Variants in ADAM19 observed in about 807,000 individuals in gnomAD.
The protein encoded by ADAM19 is ADAM metallopeptidase domain 19.
A neutral mutation model predicts 114.7 loss-of-function variants in ADAM19; 65 were observed. The observed-to-expected ratio is 0.57, with a 90% CI of 0.46 to 0.70. The LOEUF (loss-of-function observed/expected upper bound fraction) is 0.70. Ranked by LOEUF, ADAM19 falls within the 30% of genes least tolerant of loss-of-function variation. The pLI is 0.00. For synonymous variants in ADAM19, 466 were observed against 460.5 expected (o/e 1.01, Z -0.15); for missense variants, 1,063 against 1,204.7 (o/e 0.88, Z 1.74).
intron 3 of ADAM19, among the ~76,000 whole-genome samples, chr5:157,543,714 A>G (rs1756977456): frequency 6.8e-6 from 1 of 146,368 alleles, no homozygotes. Flanking sequence ...GTAAATTTTG[A>G]CAATATTTTT....
intron 5 of ADAM19, among the ~76,000 whole-genome samples, chr5:157,521,669 C>A (rs182630667): frequency 2.0e-5 from 3 of 152,156 alleles, no homozygotes; most frequent in African/African-American, 7.2e-5. Flanking sequence ...CCAATCACCC[C>A]CTCTGACGGA....
chr5:157,515,722 C>G (rs1756070704), intron 7 of ADAM19, among the ~76,000 whole-genome samples: 2 of 152,198 alleles, frequency 1.3e-5, no homozygotes, highest in African/African-American at 4.8e-5. Context: ...GTACCACATG[C>G]AGCACCATCC....
At chr5:157,502,278 T>C (rs1227960980) in intron 12 of ADAM19, among the ~76,000 whole-genome samples, 1 of 152,236 alleles carries the variant, frequency 6.6e-6, no homozygotes. Context: ...ACACTCACTG[T>C]GAAGATCAGA....
At chr5:157,520,162 G>A (rs1278387863) in intron 5 of ADAM19, 131 bp from the exon 6 acceptor site, 1 of 830,798 alleles carries the variant, frequency 1.2e-6, no homozygotes, top group African/African-American at 1.7e-5. Context: ...CCTAATTATG[G>A]GGCCATGTAC....
Position 157,497,178 on chromosome 5 carries a change from G to T in ADAM19, c.1399-89C>A, listed in dbSNP as rs541015902. On this transcript the variant is annotated intron_variant, in intron 13 of 22. Transcript: ENST00000257527. Reference sequence around the variant, plus strand: ...AGGGCTCATAAGGATCACTCTCATAGAACAGAATTTTCCATTACCATGATT... The same window carrying T: ...AGGGCTCATAAGGATCACTCTCATATAACAGAATTTTCCATTACCATGATT... The T allele has an allele frequency of 1.3e-5, 16 of 1,217,740 alleles. No homozygotes were observed. In the African/African-American group the frequency reaches 2.2e-4, roughly 17 times the overall value. 75.4% of individuals were successfully genotyped at this position (1,217,740 alleles called of 1,614,324 possible).
chr5:157,532,585 C>T (rs1177995006), intron 4 of ADAM19, among the ~76,000 whole-genome samples: 1 of 152,148 alleles, frequency 6.6e-6, no homozygotes, highest in Non-Finnish European at 1.5e-5. Context: ...GAAGATAAAA[C>T]CCACAGGGTA....
At position 157,498,852 on chromosome 5, in the gene ADAM19, A is replaced by AT. The variant is rs570856578; in HGVS notation, c.1398+720dup. 1.2e-4 allele frequency among the ~76,000 whole-genome samples: 18 copies of AT among 151,688 alleles called. No homozygotes were observed. In the East Asian group the frequency reaches 1.7e-3, roughly 15 times the overall value. Reference sequence around the variant, plus strand: ...AATATAAATATTCACTTTAGGAGTGATTTTTTTTTAAAAAGACTATAATTC... The same window carrying AT: ...AATATAAATATTCACTTTAGGAGTGATTTTTTTTTTAAAAAGACTATAATTC... On this transcript the variant is annotated intron_variant, in intron 13 of 22. Coordinates refer to ENST00000257527, the MANE Select transcript of ADAM19 (RefSeq NM_033274.5).
intron 12 of ADAM19, among the ~76,000 whole-genome samples, chr5:157,500,221 T>G (rs1755517631): frequency 6.7e-6 from 1 of 150,110 alleles, no homozygotes; most frequent in African/African-American, 2.5e-5. Context: ...TCTGCAACCT[T>G]CTCCTCCTAG....
At chr5:157,492,455 A>G (rs1241741507) in intron 16 of ADAM19, among the ~76,000 whole-genome samples, 1 of 152,260 alleles carries the variant, frequency 6.6e-6, no homozygotes, top group Non-Finnish European at 1.5e-5. Flanking sequence ...TTGTTAAAGT[A>G]TCATATTTAA....
At chr5:157,547,328 G>A (rs893912434) in intron 3 of ADAM19, among the ~76,000 whole-genome samples, 2 of 152,144 alleles carry the variant, frequency 1.3e-5, no homozygotes, top group East Asian at 1.9e-4. Flanking sequence ...ATGTATCCCC[G>A]CAAAAGCCTG....
rs1754718471 is a variant in ADAM19 at position 157,480,662 on chromosome 5, TGGA to T, written c.*284_*286del. The T allele has an allele frequency of 1.6e-6, 2 of 1,236,192 alleles. No homozygotes were observed. Among genetic ancestry groups the T allele is most frequent in the East Asian group, 4.1e-5 (1 of 24,604 alleles). 76.6% of individuals were successfully genotyped at this position (1,236,192 alleles called of 1,614,324 possible). A position where few individuals can be genotyped will look rare whatever the true frequency, so the allele number is the denominator to read the frequency against. Reference sequence around the variant, plus strand: ...CATCAGCACCTCGGGGCTAGGAGTCTGGAGGAGAAGCTGCCAGTCACCCTCCTC... The same window carrying T: ...CATCAGCACCTCGGGGCTAGGAGTCTGGAGAAGCTGCCAGTCACCCTCCTC... On this transcript the variant is annotated 3_prime_UTR_variant, in exon 23 of 23. Transcript: ENST00000257527.
At chr5:157,494,568 T>C (rs1047952106) in intron 15 of ADAM19, 119 bp downstream of exon 15, 19 of 742,460 alleles carry the variant, frequency 2.6e-5, no homozygotes, top group South Asian at 1.7e-4. Context: ...TGACTTCAAC[T>C]GATTGACGTA....
In ADAM19 at chr5:157,481,869, C is replaced by T; in HGVS notation, c.2625G>A (p.Arg875=). 6.3e-7 allele frequency: 1 copy of T among 1,596,590 alleles called. No individual in the cohort carries two copies. The highest frequency in any genetic ancestry group is 8.5e-7 in the Non-Finnish European group (1 of 1,171,332). Residue 875 remains arginine, a synonymous_variant, in exon 22 of 23, where the codon AGG becomes AGA. Transcript: ENST00000257527. The part of the protein sequence containing the change: ...NPVPGRRSLP[R]PGGASPLRPP... ...GCCGCAGTGGGGATGCACCTCCTGGCCTGGGGAGGCTCCTGCGGCCTGGCA... is the reference window on the plus strand; with the variant it reads ...GCCGCAGTGGGGATGCACCTCCTGGTCTGGGGAGGCTCCTGCGGCCTGGCA...
Position 157,519,722 on chromosome 5 carries a change from C to A in ADAM19, c.600+117G>T, listed in dbSNP as rs960247207. 9.4e-6 allele frequency: 9 copies of A among 956,422 alleles called. No homozygotes were observed. In the African/African-American group the frequency reaches 1.5e-4, roughly 16 times the overall value. 59.2% of individuals were successfully genotyped at this position (956,422 alleles called of 1,614,324 possible). A position where few individuals can be genotyped will look rare whatever the true frequency, so the allele number is the denominator to read the frequency against. ...ACAGAATAAAAGAAAAACACTATTTCCTTTTTCTTAGGCATCACCTTCAAT... is the reference window on the plus strand; with the variant it reads ...ACAGAATAAAAGAAAAACACTATTTACTTTTTCTTAGGCATCACCTTCAAT... On this transcript the variant is annotated intron_variant, in intron 6 of 22. Transcript: ENST00000257527.
chr5:157,543,881 T>C (rs993397317), intron 3 of ADAM19, among the ~76,000 whole-genome samples: 1 of 152,122 alleles, frequency 6.6e-6, no homozygotes, highest in African/African-American at 2.4e-5. Flanking sequence ...CTAGTCTAGA[T>C]TTGGGACAAA....
chr5:157,528,693 G>GA (rs1368647809), intron 5 of ADAM19, among the ~76,000 whole-genome samples: 18 of 152,192 alleles, frequency 1.2e-4, no homozygotes, highest in Non-Finnish European at 2.4e-4. Context: ...TGCAGTGTGA[G>GA]AAACCTTCCA....
At chr5:157,497,955 C>T (rs891752610) in intron 13 of ADAM19, among the ~76,000 whole-genome samples, 1 of 152,234 alleles carries the variant, frequency 6.6e-6, no homozygotes, top group African/African-American at 2.4e-5. Flanking sequence ...CTTTCTGAGG[C>T]TCAAACGGAA....
Position 157,477,459 on chromosome 5 carries a change from T to C in ADAM19, c.*3490A>G. The C allele has an allele frequency of 1.2e-5, 12 of 1,035,610 alleles. No homozygotes were observed. The highest frequency in any genetic ancestry group is 1.4e-5 in the Non-Finnish European group (12 of 856,894). 64.2% of individuals were successfully genotyped at this position (1,035,610 alleles called of 1,614,324 possible). A position where few individuals can be genotyped will look rare whatever the true frequency, so the allele number is the denominator to read the frequency against. ...GAAGATCTGTTTTCCGTGAACAATC[T>C]CCCAAATAAAAAGAAAATTCACATT... is the stretch of plus-strand genomic sequence containing the variant. On this transcript the variant is annotated 3_prime_UTR_variant, in exon 23 of 23. Transcript: ENST00000257527.
At chr5:157,559,994 G>T (rs1389110763) in intron 3 of ADAM19, among the ~76,000 whole-genome samples, 1 of 152,034 alleles carries the variant, frequency 6.6e-6, no homozygotes, top group Non-Finnish European at 1.5e-5. Flanking sequence ...GGCCGGGCGC[G>T]GTGGCTCACG....
Sources: allele counts gnomAD v4.1 joint callset (sites outside exome capture counted in the v4.1 genomes callset), GRCh38; gene constraint gnomAD v4.1.1; transcripts MANE v1.5; gene names NCBI Gene and HGNC (gene_info 2026-07-23, HGNC 2026-07-21).